BNC1: variants seen among roughly 807,000 people sequenced by gnomAD.
BNC1 encodes basonuclin zinc finger protein 1.
In BNC1, 8 loss-of-function variants were observed where a neutral mutation model predicts 66.5. That is an observed-to-expected ratio of 0.12 (90% CI 0.07 to 0.22). BNC1 has a LOEUF of 0.22. BNC1 is among the 10% of genes least tolerant of loss of function. BNC1 has a pLI of 1.00. For missense variants in BNC1, 1,069 were observed against 1,241.3 expected (o/e 0.86, Z 2.09); for synonymous variants, 454 against 452.6 (o/e 1.00, Z -0.04).
At chr15:83,271,944 C>T (rs1179654038) in intron 1 of BNC1, among the ~76,000 whole-genome samples, 3 of 152,322 alleles carry the variant, frequency 2.0e-5, no homozygotes, top group South Asian at 4.1e-4. Flanking sequence ...GTTGAATTTA[C>T]ATTACACACT....
At chr15:83,280,641 G>A (rs1158201882) in intron 1 of BNC1, among the ~76,000 whole-genome samples, 1 of 152,112 alleles carries the variant, frequency 6.6e-6, no homozygotes, top group African/African-American at 2.4e-5. Flanking sequence ...GCTAAGAGTT[G>A]ACAGTATAAA....
In BNC1 at chr15:83,283,323, G is replaced by A. The variant is rs2038402727; in HGVS notation, c.99+1207C>T. The A allele has an allele frequency of 4.1e-6, 6 of 1,479,044 alleles. No individual in the cohort carries two copies. In the South Asian group the frequency reaches 7.9e-5, roughly 19 times the overall value. The allele number at this position is 1,479,044 out of a possible 1,614,324, so 91.6% of individuals were successfully genotyped here. On this transcript the variant is annotated intron_variant, in intron 1 of 4. Transcript: ENST00000345382. ...ACAAATCCCGAGGAACTCCGGCAAA[G>A]CCAGGCGGCGGCGGGGCTCCGGGTC...
intron 4 of BNC1, among the ~76,000 whole-genome samples, chr15:83,261,679 C>T (rs2038142147): frequency 6.6e-6 from 1 of 152,160 alleles, no homozygotes; most frequent in Admixed American, 6.5e-5. Context: ...CACTGCTATC[C>T]CCACGGTGAT....
intron 1 of BNC1, among the ~76,000 whole-genome samples, chr15:83,275,141 A>G (rs965531212): frequency 7.9e-5 from 12 of 152,250 alleles, no homozygotes; most frequent in African/African-American, 2.9e-4. Context: ...CTTATATTCT[A>G]AAGGGCAGAG....
chr15:83,275,360 G>A (rs1015325104), intron 1 of BNC1, among the ~76,000 whole-genome samples: 2 of 152,152 alleles, frequency 1.3e-5, no homozygotes, highest in Admixed American at 1.3e-4. Context: ...GCCAGGCGTG[G>A]TGGCGCATGC....
chr15:83,269,926 T>C (rs1034741440), intron 1 of BNC1, among the ~76,000 whole-genome samples: 9 of 152,194 alleles, frequency 5.9e-5, no homozygotes, highest in African/African-American at 1.7e-4. Context: ...TGCTGCAACA[T>C]GGATGAACTT....
At chr15:83,270,685 C>A (rs1202289093) in intron 1 of BNC1, among the ~76,000 whole-genome samples, 1 of 151,766 alleles carries the variant, frequency 6.6e-6, no homozygotes, top group Non-Finnish European at 1.5e-5. Flanking sequence ...GGGTTGTTTA[C>A]CTTTTTAGTA....
Position 83,257,836 on chromosome 15 carries a change from A to G in BNC1, c.2591T>C (p.Met864Thr). The change falls in exon 5 of 5, where the codon ATG (methionine) becomes ACG (threonine). Residue 864 changes from methionine (M) to threonine (T), a missense_variant. Physicochemically the swap from Met to Thr is moderately conservative, Grantham distance 81. Around this residue, in one of 7 missense-constraint regions of BNC1, gnomAD observed 657 missense variants for 715.8 expected, o/e 0.92. Transcript: ENST00000345382. ...AGAATGGCTGCTACTCTCTGACTTC[A>G]TGCTCGAGGTAGTGCTCAAATCCAG... ...TILDLSTTSS[M>T]KSESSSHSSW... 2 of 1,614,102 alleles carry G rather than the reference A, an allele frequency of 1.2e-6. No homozygotes were observed. Among genetic ancestry groups the G allele is most frequent in the Non-Finnish European group, 1.7e-6 (2 of 1,180,026 alleles).
At chr15:83,259,679 T>C (rs1262916246) in intron 4 of BNC1, among the ~76,000 whole-genome samples, 1 of 152,144 alleles carries the variant, frequency 6.6e-6, no homozygotes, top group East Asian at 1.9e-4. Flanking sequence ...AGACAAACAC[T>C]TTTATTGGAA....
chr15:83,257,565 C>G lies in BNC1; in HGVS notation c.2862G>C (p.Gln954His), dbSNP rs2038089795. The change falls in exon 5 of 5, where the codon CAG (glutamine) becomes CAC (histidine). Residue 954 changes from glutamine (Q) to histidine (H), a missense_variant. By Grantham distance (24) the Gln-to-His change is conservative. Transcript: ENST00000345382. ...RAHYKTVHLR[Q>H]LHKCKVPGCN... ...AGCCTGGTACTTTGCATTTGTGGAG[C>G]TGCCGGAGGTGCACAGTTTTGTAGT... 6.2e-7 allele frequency: 1 copy of G among 1,614,124 alleles called. No individual in the cohort carries two copies. The highest frequency in any genetic ancestry group is 2.2e-5 in the East Asian group (1 of 44,874).
At chr15:83,282,700 CAAATT>C (rs930812479) in intron 1 of BNC1, among the ~76,000 whole-genome samples, 2 of 152,140 alleles carry the variant, frequency 1.3e-5, no homozygotes, top group African/African-American at 2.4e-5. Context: ...AATCGAATAG[CAAATT>C]AAATAAACAG....
chr15:83,277,946 C>T (rs1399675663), intron 1 of BNC1, among the ~76,000 whole-genome samples: 1 of 152,108 alleles, frequency 6.6e-6, no homozygotes, highest in African/African-American at 2.4e-5. Context: ...CCTTACCTTC[C>T]CACCTCTCAC....
intron 1 of BNC1, among the ~76,000 whole-genome samples, chr15:83,277,214 T>A (rs1595942271): frequency 6.6e-6 from 1 of 152,152 alleles, no homozygotes; most frequent in African/African-American, 2.4e-5. Flanking sequence ...AAATCTCACA[T>A]AGGCGCATGC....
At chr15:83,283,942 C>G (rs891501913) in intron 1 of BNC1, among the ~76,000 whole-genome samples, 1 of 152,176 alleles carries the variant, frequency 6.6e-6, no homozygotes, top group African/African-American at 2.4e-5. Flanking sequence ...AAGATTTGTC[C>G]CGCAGTGGAC....
At position 83,264,818 on chromosome 15, in the gene BNC1, A is replaced by G. The variant is rs912201710; in HGVS notation, c.436-3T>C. On this transcript the variant is annotated splice_region_variant and splice_polypyrimidine_tract_variant and intron_variant, in intron 3 of 4. Coordinates refer to ENST00000345382, the MANE Select transcript of BNC1 (RefSeq NM_001717.4). ...TCCAACACCTTTCCTGATGCATCCT[A>G]AACCCAAACCAGATGTTAGAAGTGT... is the stretch of plus-strand genomic sequence containing the variant. 1 of 1,610,212 alleles carries G rather than the reference A, an allele frequency of 6.2e-7. No homozygotes were observed. The highest frequency in any genetic ancestry group is 8.5e-7 in the Non-Finnish European group (1 of 1,178,014).
At position 83,264,172 on chromosome 15, in the gene BNC1, G is replaced by A. The variant is rs757834469; in HGVS notation, c.1079C>T (p.Thr360Ile). The A allele has an allele frequency of 2.9e-5, 47 of 1,614,074 alleles. No homozygotes were observed. The highest frequency in any genetic ancestry group is 3.7e-5 in the Non-Finnish European group (44 of 1,180,058). The change falls in exon 4 of 5, where the codon ACT (threonine) becomes ATT (isoleucine). Residue 360 changes from threonine to isoleucine, a missense_variant. By Grantham distance (89) the Thr-to-Ile change is moderately conservative. Around this residue, in one of 7 missense-constraint regions of BNC1, gnomAD observed 82 missense variants for 136.3 expected, o/e 0.60. Transcript: ENST00000345382. ...LGTKKGRVFC[T>I]ACEKTFYDKG... ...GTCATAGAAGGTCTTCTCACATGCAGTGCAGAACACCCGGCCCTTCTTTGT... is the reference window on the plus strand; with the variant it reads ...GTCATAGAAGGTCTTCTCACATGCAATGCAGAACACCCGGCCCTTCTTTGT...
At chr15:83,282,443 C>A (rs915869967) in intron 1 of BNC1, among the ~76,000 whole-genome samples, 1 of 152,346 alleles carries the variant, frequency 6.6e-6, no homozygotes, top group East Asian at 1.9e-4. Context: ...TCTTTTCACA[C>A]CTCTTTAAAG....
At chr15:83,261,103 GTAGGA>G (rs1005946511) in intron 4 of BNC1, among the ~76,000 whole-genome samples, 8 of 152,136 alleles carry the variant, frequency 5.3e-5, no homozygotes, top group African/African-American at 1.7e-4. Flanking sequence ...AGTAGATATT[GTAGGA>G]TAGAACAGTA....
At chr15:83,268,901 A>T (rs1473382439) in intron 1 of BNC1, among the ~76,000 whole-genome samples, 1 of 152,166 alleles carries the variant, frequency 6.6e-6, no homozygotes, top group East Asian at 1.9e-4. Flanking sequence ...GAAAATAGAG[A>T]TGTACATGTC....
Sources: allele counts gnomAD v4.1 joint callset (sites outside exome capture counted in the v4.1 genomes callset), GRCh38; gene constraint gnomAD v4.1.1; regional missense constraint gnomAD v4.1.1; transcripts MANE v1.5; gene names NCBI Gene and HGNC (gene_info 2026-07-23, HGNC 2026-07-21).